Variants in ADGRB2 observed in about 807,000 individuals in gnomAD.
ADGRB2 encodes adhesion G protein-coupled receptor B2.
In ADGRB2, 47 loss-of-function variants were observed where a neutral mutation model predicts 178.7. The ratio of observed to expected loss-of-function variants is 0.26; its 90% CI spans 0.21 to 0.34. The LOEUF is 0.34. Ranked by LOEUF, ADGRB2 falls within the 10% of genes least tolerant of loss-of-function variation. The pLI is 1.00. For missense variants in ADGRB2, 1,584 were observed against 2,180.8 expected, an observed-to-expected ratio of 0.73 and a Z score of 5.45; for synonymous variants, 870 against 912.4, an observed-to-expected ratio of 0.95 and a Z score of 0.84.
In ADGRB2 at chr1:31,741,553, G is replaced by A; in HGVS notation, c.1687+71C>T. The A allele has an allele frequency of 6.3e-7, 1 of 1,593,370 alleles. No homozygotes were observed. Among genetic ancestry groups the A allele is most frequent in the Non-Finnish European group, 8.6e-7 (1 of 1,166,018 alleles). On this transcript the variant is annotated intron_variant, in intron 10 of 32. Transcript: ENST00000373658. This position sits in a 1 kb window ranked among gnomAD's most constrained non-coding sequence, Gnocchi z 6.5. ...CCACACTCCTCCGTATCTCAGAGAG[G>A]CTGGGGGCGCAGAAGGGGGCAATGA...
At position 31,739,825 on chromosome 1, in the gene ADGRB2, TG is replaced by T. The variant is rs1441889764; in HGVS notation, c.2167+100del. ...CACATAGATGAAGGAGAGGGTAGAA[TG>T]TGGACAGAAAGATACAAATACGGGG... On this transcript the variant is annotated intron_variant, in intron 14 of 32. Transcript: ENST00000373658. 6 of 1,272,028 alleles carry T rather than the reference TG, an allele frequency of 4.7e-6. No homozygotes were observed. The African/African-American group carries it at 7.4e-5, about 16-fold the overall frequency. 78.8% of individuals were successfully genotyped at this position (1,272,028 alleles called of 1,614,324 possible). A position where few individuals can be genotyped will look rare whatever the true frequency, so the allele number is the denominator to read the frequency against.
chr1:31,756,095 A>C lies in ADGRB2; in HGVS notation c.742T>G (p.Ser248Ala). The change falls in exon 4 of 33, where the codon TCC becomes GCC. Residue 248 changes from serine (S) to alanine (A), a missense_variant. This residue lies in a region of ADGRB2 where 657 missense variants were observed against 847.6 expected (regional missense o/e 0.78). Transcript: ENST00000373658. The surrounding 1 kb of genome is among the most constrained non-coding windows in gnomAD (Gnocchi z 8.5). ...SPGPPAAHTL[S>A]NALVPGGPAP... ...GGGCCCCCGGGCACCAGGGCATTGGACAGGGTGTGGGCAGCAGGAGGGCCT... is the reference window on the plus strand; with the variant it reads ...GGGCCCCCGGGCACCAGGGCATTGGCCAGGGTGTGGGCAGCAGGAGGGCCT... The C allele has an allele frequency of 6.2e-7, 1 of 1,613,926 alleles. No homozygotes were observed. The highest frequency in any genetic ancestry group is 8.5e-7 in the Non-Finnish European group (1 of 1,179,970).
Position 31,737,695 on chromosome 1 carries a change from T to C in ADGRB2, c.2833A>G (p.Met945Val). 6.2e-7 allele frequency: 1 copy of C among 1,613,638 alleles called. No individual in the cohort carries two copies. The highest frequency in any genetic ancestry group is 8.5e-7 in the Non-Finnish European group (1 of 1,179,998). ...PLVIGCAVSC[M>V]ALLTLLAIYA... Reference sequence around the variant, plus strand: ...ATGGCGAGCAGGGTGAGCAGCGCCATGCACGACACTGCACAGCCGATCACC... The same window carrying C: ...ATGGCGAGCAGGGTGAGCAGCGCCACGCACGACACTGCACAGCCGATCACC... The change falls in exon 19 of 33, where the codon ATG becomes GTG. Residue 945 changes from methionine (M) to valine (V), a missense_variant. Transcript: ENST00000373658.
Position 31,735,180 on chromosome 1 carries a change from A to G in ADGRB2, c.3452+3T>C. On this transcript the variant is annotated splice_donor_region_variant and intron_variant, in intron 25 of 32. Transcript: ENST00000373658. This position sits in a 1 kb window ranked among gnomAD's most constrained non-coding sequence, Gnocchi z 6.0. ...CCACCGCCCCCCAGGGGGCACGACT[A>G]ACATGGCGTTCCTGGCCGAGGCTGA... 1 of 1,404,166 alleles carries G rather than the reference A, an allele frequency of 7.1e-7. No individual in the cohort carries two copies. The highest frequency in any genetic ancestry group is 9.3e-7 in the Non-Finnish European group (1 of 1,073,620). 87.0% of individuals were successfully genotyped at this position (1,404,166 alleles called of 1,614,324 possible).
rs912696914 is a variant in ADGRB2, at chr1:31,728,890, T to C, written c.4381-257A>G. On this transcript the variant is annotated intron_variant, in intron 29 of 32. Coordinates refer to ENST00000373658, the MANE Select transcript of ADGRB2 (RefSeq NM_001364857.2). This position sits in a 1 kb window ranked among gnomAD's most constrained non-coding sequence, Gnocchi z 6.7. The stretch of plus-strand genomic sequence containing the variant: ...GGACTTCCAACATGACAGGCCCAGA[T>C]GCCCACATGGAATCAGAGCCAGTGC... Among the ~76,000 whole-genome samples, 1 of 150,054 alleles carries C rather than the reference T, an allele frequency of 6.7e-6. No individual in the cohort carries two copies. Among genetic ancestry groups the C allele is most frequent in the Admixed American group, 6.7e-5 (1 of 15,004 alleles).
Position 31,744,082 on chromosome 1 carries a change from T to TTTG in ADGRB2, c.1087+108_1087+110dup. 2 of 1,341,274 alleles carry TTTG rather than the reference T, an allele frequency of 1.5e-6. No individual in the cohort carries two copies. The highest frequency in any genetic ancestry group is 2.0e-6 in the Non-Finnish European group (2 of 1,000,546). 83.1% of individuals were successfully genotyped at this position (1,341,274 alleles called of 1,614,324 possible). On this transcript the variant is annotated intron_variant, in intron 6 of 32. Coordinates refer to ENST00000373658, the MANE Select transcript of ADGRB2 (RefSeq NM_001364857.2). This position sits in a 1 kb window ranked among gnomAD's most constrained non-coding sequence, Gnocchi z 6.7. The stretch of plus-strand genomic sequence containing the variant: ...GGGCATGGTGTGGGGAACAGCCACA[T>TTTG]TTGTTGAATGAAAGGAGGAGGCAAC...
rs535519977 is a variant in ADGRB2 at position 31,759,086 on chromosome 1, G to A, written c.-190-1575C>T. Among the ~76,000 whole-genome samples, 3 of 152,242 alleles carry A rather than the reference G, an allele frequency of 2.0e-5. No individual in the cohort carries two copies. Among genetic ancestry groups the A allele is most frequent in the East Asian group, 3.9e-4 (2 of 5,174 alleles). On this transcript the variant is annotated intron_variant, in intron 1 of 32. Transcript: ENST00000373658. This position sits in a 1 kb window ranked among gnomAD's most constrained non-coding sequence, Gnocchi z 4.3. ...CCCTCACATACACACCAACACACAT[G>A]GGTTTGAACACCCTTGTGCCCTGAG... is the stretch of plus-strand genomic sequence containing the variant.
chr1:31,744,686 C>A lies in ADGRB2; in HGVS notation c.884G>T (p.Arg295Met). 1.2e-6 allele frequency: 2 copies of A among 1,614,218 alleles called. No individual in the cohort carries two copies. Among genetic ancestry groups the A allele is most frequent in the Non-Finnish European group, 1.7e-6 (2 of 1,180,030 alleles). The stretch of plus-strand genomic sequence containing the variant: ...GTATAGCCCAGGCTCATCTGCAGAC[C>A]TCGGCCACTGGGTTTTCACTTTCGG... ...EEPKVKTQWP[R>M]SADEPGLYMA... Residue 295 changes from arginine (R) to methionine (M), a missense_variant, in exon 5 of 33, where the codon AGG (arginine) becomes ATG (methionine). Arg to Met is a moderately conservative substitution (Grantham distance 91, BLOSUM62 -1). Coordinates refer to ENST00000373658, the MANE Select transcript of ADGRB2 (RefSeq NM_001364857.2). This position sits in a 1 kb window ranked among gnomAD's most constrained non-coding sequence, Gnocchi z 6.7.
In ADGRB2 at chr1:31,736,603, C is replaced by T. The variant is rs751915185; in HGVS notation, c.3100G>A (p.Val1034Ile). Residue 1034 changes from valine (V) to isoleucine (I), a missense_variant, in exon 21 of 33, where the codon GTT becomes ATT. By Grantham distance (29) the Val-to-Ile change is conservative. Around this residue, in one of 3 missense-constraint regions of ADGRB2, gnomAD observed 865 missense variants for 1,192.8 expected, o/e 0.73. Coordinates refer to ENST00000373658, the MANE Select transcript of ADGRB2 (RefSeq NM_001364857.2). ...AVIGRMRTRL[V>I]RKRFLCLGWG... ...CCCAGGCAGAGGAAGCGCTTGCGAACGAGGCGGGTGCGCATCCGCCCAATG... is the reference window on the plus strand; with the variant it reads ...CCCAGGCAGAGGAAGCGCTTGCGAATGAGGCGGGTGCGCATCCGCCCAATG... The T allele has an allele frequency of 1.5e-5, 25 of 1,613,996 alleles. No homozygotes were observed. Among genetic ancestry groups the T allele is most frequent in the African/African-American group, 2.7e-5 (2 of 74,934 alleles).
In ADGRB2 at chr1:31,740,893, G is replaced by GCACACACACACA. The variant is rs1447252239; in HGVS notation, c.1795-353_1795-352insTGTGTGTGTGTG. On this transcript the variant is annotated intron_variant, in intron 11 of 32. Coordinates refer to ENST00000373658, the MANE Select transcript of ADGRB2 (RefSeq NM_001364857.2). The surrounding 1 kb of genome is among the most constrained non-coding windows in gnomAD (Gnocchi z 5.9). ...GTAATGAGCATGTGTGTGGGCGCGC[G>GCACACACACACA]CGCACACACACACACACACACACAC... 3.0e-4 allele frequency among the ~76,000 whole-genome samples: 10 copies of GCACACACACACA among 33,758 alleles called. No homozygotes were observed. The South Asian group carries it at 0.015, about 52-fold the overall frequency. The allele number at this position is 33,758 out of a possible 152,430, so 22.1% of individuals were successfully genotyped here. A position where few individuals can be genotyped will look rare whatever the true frequency, so the allele number is the denominator to read the frequency against.
chr1:31,736,621 G>A lies in ADGRB2; in HGVS notation c.3082C>T (p.Arg1028Trp), dbSNP rs1176235358. ...AWQSYLAVIG[R>W]MRTRLVRKRF... ...TTGCGAACGAGGCGGGTGCGCATCCGCCCAATGACAGCCAGGTAGGACTGC... is the reference window on the plus strand; with the variant it reads ...TTGCGAACGAGGCGGGTGCGCATCCACCCAATGACAGCCAGGTAGGACTGC... Residue 1028 changes from arginine (R) to tryptophan (W), a missense_variant, in exon 21 of 33, where the codon CGG becomes TGG. Arg to Trp is a moderately radical substitution (Grantham distance 101). Transcript: ENST00000373658. 5.6e-6 allele frequency: 9 copies of A among 1,614,092 alleles called. No individual in the cohort carries two copies. Among genetic ancestry groups the A allele is most frequent in the Admixed American group, 1.7e-5 (1 of 60,030 alleles).
chr1:31,732,527 A>G lies in ADGRB2; in HGVS notation c.3710T>C (p.Leu1237Pro). 6.2e-7 allele frequency: 1 copy of G among 1,614,172 alleles called. No homozygotes were observed. Among genetic ancestry groups the G allele is most frequent in the Non-Finnish European group, 8.5e-7 (1 of 1,180,014 alleles). ...AGGCCCCTAACTCACCAGGATCTGC[A>G]GCTGCCCGTTCTTACACGAGTCAGG... The part of the protein sequence containing the change: ...DSPDSCKNGQ[L>P]QILSDFEKDV... Residue 1237 changes from leucine to proline, a missense_variant, in exon 27 of 33, where the codon CTG becomes CCG. This residue lies in a region of ADGRB2 where 865 missense variants were observed against 1,192.8 expected (regional missense o/e 0.73). Coordinates refer to ENST00000373658, the MANE Select transcript of ADGRB2 (RefSeq NM_001364857.2).
At chr1:31,736,790 C>T (rs1645631620) in intron 20 of ADGRB2, 67 bp from the exon 21 acceptor site, 2 of 1,548,722 alleles carry the variant, frequency 1.3e-6, no homozygotes, top group South Asian at 1.2e-5. Context: ...GCCGGGCTTC[C>T]CACGCCCGCT....
Position 31,733,719 on chromosome 1 carries a change from G to A in ADGRB2, c.3453-576C>T, listed in dbSNP as rs1340138970. Reference sequence around the variant, plus strand: ...AACTCCCCCCACACACAGAGAAGACGCCAGGCTCCCACGGACTGCTCAGAG... The same window carrying A: ...AACTCCCCCCACACACAGAGAAGACACCAGGCTCCCACGGACTGCTCAGAG... On this transcript the variant is annotated intron_variant, in intron 25 of 32. Coordinates refer to ENST00000373658, the MANE Select transcript of ADGRB2 (RefSeq NM_001364857.2). The surrounding 1 kb of genome is among the most constrained non-coding windows in gnomAD (Gnocchi z 4.3). Among the ~76,000 whole-genome samples, 1 of 152,128 alleles carries A rather than the reference G, an allele frequency of 6.6e-6. No homozygotes were observed. Among genetic ancestry groups the A allele is most frequent in the East Asian group, 1.9e-4 (1 of 5,186 alleles).
chr1:31,735,138 C>CT lies in ADGRB2; in HGVS notation c.3452+44dup. Reference sequence around the variant, plus strand: ...CCATGGGCACTGCCCCCCCCAATTCCTTTGCCCCACCCACCCCCACCGCCC... The same window carrying CT: ...CCATGGGCACTGCCCCCCCCAATTCCTTTTGCCCCACCCACCCCCACCGCCC... On this transcript the variant is annotated intron_variant, in intron 25 of 32. Coordinates refer to ENST00000373658, the MANE Select transcript of ADGRB2 (RefSeq NM_001364857.2). This position sits in a 1 kb window ranked among gnomAD's most constrained non-coding sequence, Gnocchi z 6.0. 1 of 1,202,012 alleles carries CT rather than the reference C, an allele frequency of 8.3e-7. No homozygotes were observed. Among genetic ancestry groups the CT allele is most frequent in the South Asian group, 1.8e-5 (1 of 57,128 alleles). The allele number at this position is 1,202,012 out of a possible 1,614,324, so 74.5% of individuals were successfully genotyped here.
chr1:31,732,712 G>A (rs932197345), intron 26 of ADGRB2, 100 bp from the exon 27 acceptor site: 17 of 1,377,326 alleles, frequency 1.2e-5, no homozygotes, highest in Admixed American at 2.0e-5. Flanking sequence ...AGTGTAGAAG[G>A]AAGGCAACAC....
In ADGRB2 at chr1:31,756,208, C is replaced by T. The variant is rs762644990; in HGVS notation, c.629G>A (p.Arg210His). ...AAAGCCGCAGGCCCTGCCGGCAGCG[C>T]GGCCACACTCCTCACTCCAGCGGCA... ...VLCRWSEECG[R>H]AAGRACGFAQ... is the part of the protein sequence containing the mutation. Residue 210 changes from arginine (R) to histidine (H), a missense_variant, in exon 4 of 33, where the codon CGC becomes CAC. Arg to His is a conservative substitution (Grantham distance 29, BLOSUM62 0). Coordinates refer to ENST00000373658, the MANE Select transcript of ADGRB2 (RefSeq NM_001364857.2). The surrounding 1 kb of genome is among the most constrained non-coding windows in gnomAD (Gnocchi z 8.5). The T allele has an allele frequency of 1.9e-6, 3 of 1,613,476 alleles. No individual in the cohort carries two copies. The highest frequency in any genetic ancestry group is 2.5e-6 in the Non-Finnish European group (3 of 1,179,930).
rs911487953 is a variant in ADGRB2, at chr1:31,764,190, G to T, written c.-497C>A. 2.7e-6 allele frequency: 1 copy of T among 370,714 alleles called. No individual in the cohort carries two copies. Among genetic ancestry groups the T allele is most frequent in the Admixed American group, 6.7e-5 (1 of 14,874 alleles). 23.0% of individuals were successfully genotyped at this position (370,714 alleles called of 1,614,324 possible). A position where few individuals can be genotyped will look rare whatever the true frequency, so the allele number is the denominator to read the frequency against. On this transcript the variant is annotated 5_prime_UTR_variant, in exon 1 of 33. Transcript: ENST00000373658. The surrounding 1 kb of genome is among the most constrained non-coding windows in gnomAD (Gnocchi z 7.3). ...GCCCCGAGCACCGCCCGCGCCGCGC[G>T]CCGCCTCCTATTTGCGGGCGGCGGC...
In ADGRB2 at chr1:31,755,848, A is replaced by G; in HGVS notation, c.838+151T>C. On this transcript the variant is annotated intron_variant, in intron 4 of 32. Transcript: ENST00000373658. The surrounding 1 kb of genome is among the most constrained non-coding windows in gnomAD (Gnocchi z 5.1). ...CAAGAGTGAGGTCTCACTGCCATGC[A>G]TTTTGGTGACCGCAACATTTGGACA... 9.3e-7 allele frequency: 1 copy of G among 1,072,410 alleles called. No individual in the cohort carries two copies. Among genetic ancestry groups the G allele is most frequent in the South Asian group, 1.6e-5 (1 of 60,774 alleles). 66.4% of individuals were successfully genotyped at this position (1,072,410 alleles called of 1,614,324 possible).
Sources: gnomAD v4.1 joint callset for allele counts (sites outside exome capture counted in the v4.1 genomes callset) on GRCh38, gnomAD v4.1.1 for gene constraint, gnomAD v4.1.1 regional missense constraint, Gnocchi (gnomAD v3.1) non-coding constraint, MANE v1.5 for transcripts, NCBI Gene and HGNC (gene_info 2026-07-23, HGNC 2026-07-21) for gene names.